ADGRB3: variants seen among roughly 807,000 people sequenced by gnomAD.
ADGRB3 encodes brain-specific angiogenesis inhibitor 3.
ADGRB3 carries 37 observed loss-of-function variants against 193.4 expected under a neutral mutation model. The ratio of observed to expected loss-of-function variants is 0.19; its 90% CI spans 0.15 to 0.25. ADGRB3 has a LOEUF of 0.25. Among genes scored for constraint, ADGRB3 ranks in the 10% least tolerant of loss-of-function variants. ADGRB3 has a pLI of 1.00. For synonymous variants in ADGRB3, 690 were observed against 644.2 expected (o/e 1.07, Z -1.08); for missense variants, 1,637 against 1,852.9 (o/e 0.88, Z 2.14).
Position 69,048,197 on chromosome 6 carries a change from A to C in ADGRB3, c.2120A>C (p.Gln707Pro). 6.2e-7 allele frequency: 1 copy of C among 1,611,924 alleles called. No homozygotes were observed. Among genetic ancestry groups the C allele is most frequent in the Non-Finnish European group, 8.5e-7 (1 of 1,179,322 alleles). The change falls in exon 14 of 32, where the codon CAG becomes CCG. Residue 707 changes from glutamine (Q) to proline (P), a missense_variant. Physicochemically the swap from Gln to Pro is moderately conservative, Grantham distance 76. Around this residue, in one of 7 missense-constraint regions of ADGRB3, gnomAD observed 641 missense variants for 673.9 expected, o/e 0.95. Coordinates refer to ENST00000370598, the MANE Select transcript of ADGRB3 (RefSeq NM_001704.3). ...TCTTTTTTAATAGTGGCTAGTATTC[A>C]GAAGCTTCCTGCAGCCTCTGTTCTA... ...LMTGNVVASI[Q>P]KLPAASVLTD...
intron 17 of ADGRB3, among the ~76,000 whole-genome samples, chr6:69,161,816 C>G (rs1582509357): frequency 6.6e-6 from 1 of 152,094 alleles, no homozygotes; most frequent in African/African-American, 2.4e-5. Flanking sequence ...TGGCTGTTAA[C>G]TGAAGACTTC....
At chr6:69,080,087 A>G (rs2150314056) in intron 17 of ADGRB3, among the ~76,000 whole-genome samples, 1 of 152,088 alleles carries the variant, frequency 6.6e-6, no homozygotes, top group African/African-American at 2.4e-5. Flanking sequence ...ATCCTTATTT[A>G]TTCATAACCA....
intron 13 of ADGRB3, among the ~76,000 whole-genome samples, chr6:69,039,602 T>C (rs1770969552): frequency 6.6e-6 from 1 of 152,132 alleles, no homozygotes; most frequent in South Asian, 2.1e-4. Flanking sequence ...AGAGGCTCTC[T>C]ACAATAAAAA....
At chr6:68,842,081 A>G (rs1477530299) in intron 3 of ADGRB3, among the ~76,000 whole-genome samples, 1 of 152,048 alleles carries the variant, frequency 6.6e-6, no homozygotes, top group Non-Finnish European at 1.5e-5. Context: ...ATTTACCATG[A>G]TGTAATTATC....
chr6:69,036,970 A>T (rs2150296249), intron 13 of ADGRB3, among the ~76,000 whole-genome samples: 1 of 152,334 alleles, frequency 6.6e-6, no homozygotes, highest in Middle Eastern at 3.4e-3. Context: ...CAGGAGTAGA[A>T]TAAAGAAAGC....
At chr6:68,636,287 G>A (rs537585719) in intron 1 of ADGRB3, among the ~76,000 whole-genome samples, 1 of 152,056 alleles carries the variant, frequency 6.6e-6, no homozygotes, top group East Asian at 1.9e-4. Context: ...GAAAATTTTA[G>A]GTTAAAAGGA....
chr6:69,035,694 G>A (rs1234008088), intron 13 of ADGRB3, among the ~76,000 whole-genome samples: 3 of 152,102 alleles, frequency 2.0e-5, no homozygotes, highest in African/African-American at 7.2e-5. Context: ...ATGGAAGCAG[G>A]GAACATAGTG....
At chr6:69,087,696 T>G (rs989092694) in intron 17 of ADGRB3, among the ~76,000 whole-genome samples, 4 of 151,938 alleles carry the variant, frequency 2.6e-5, no homozygotes, top group African/African-American at 4.8e-5. Context: ...AGTTGAAAAG[T>G]CAAAAAAGAA....
intron 3 of ADGRB3, among the ~76,000 whole-genome samples, chr6:68,886,407 C>T (rs182483058): frequency 6.6e-6 from 1 of 152,162 alleles, no homozygotes; most frequent in Admixed American, 6.5e-5. Context: ...CCCATTAATG[C>T]TGTAACTTTT....
rs201641587 is a variant in ADGRB3, at chr6:69,040,382, T to TTTCC, written c.2108-7803_2108-7802insTTCC. On this transcript the variant is annotated intron_variant, in intron 13 of 31. Coordinates refer to ENST00000370598, the MANE Select transcript of ADGRB3 (RefSeq NM_001704.3). Reference sequence around the variant, plus strand: ...CTTTCTTTCTTTCTTTCTTTCCTTCTCTCTCTTTCTTTCCTTCACGCAGGT... The same window carrying TTTCC: ...CTTTCTTTCTTTCTTTCTTTCCTTCTTTCCCTCTCTTTCTTTCCTTCACGCAGGT... Among the ~76,000 whole-genome samples, 10 of 55,878 alleles carry TTTCC rather than the reference T, an allele frequency of 1.8e-4. 1 individual carries two copies. The highest frequency in any genetic ancestry group is 3.3e-4 in the African/African-American group (6 of 17,976). 36.7% of individuals were successfully genotyped at this position (55,878 alleles called of 152,430 possible). A position where few individuals can be genotyped will look rare whatever the true frequency, so the allele number is the denominator to read the frequency against.
intron 3 of ADGRB3, among the ~76,000 whole-genome samples, chr6:68,648,498 A>G (rs1191136000): frequency 2.1e-5 from 3 of 146,178 alleles, no homozygotes; most frequent in Non-Finnish European, 1.5e-5. Context: ...GAGAGCAAAT[A>G]TGGGCATGAG....
At chr6:69,157,332 G>C (rs971696883) in intron 17 of ADGRB3, among the ~76,000 whole-genome samples, 2 of 152,162 alleles carry the variant, frequency 1.3e-5, no homozygotes, top group Non-Finnish European at 2.9e-5. Flanking sequence ...ATAGGTGTTT[G>C]GGGAGCTTCT....
intron 3 of ADGRB3, among the ~76,000 whole-genome samples, chr6:68,824,706 T>A (rs1169130431): frequency 6.7e-6 from 1 of 149,940 alleles, no homozygotes; most frequent in African/African-American, 2.4e-5. Context: ...AATATTTGTA[T>A]CTGTTCTTCT....
At chr6:68,883,336 A>C (rs1029346497) in intron 3 of ADGRB3, among the ~76,000 whole-genome samples, 1 of 152,106 alleles carries the variant, frequency 6.6e-6, no homozygotes, top group Non-Finnish European at 1.5e-5. Context: ...AGCTCTCTGT[A>C]AAATGGGCCA....
At chr6:69,105,709 T>G (rs1242854499) in intron 17 of ADGRB3, among the ~76,000 whole-genome samples, 1 of 152,174 alleles carries the variant, frequency 6.6e-6, no homozygotes, top group Non-Finnish European at 1.5e-5. Context: ...ATCTCTCTTT[T>G]ATGAATGAGG....
chr6:68,649,986 C>T (rs1768311662), intron 3 of ADGRB3, among the ~76,000 whole-genome samples: 1 of 152,182 alleles, frequency 6.6e-6, no homozygotes, highest in Admixed American at 6.6e-5. Context: ...CTTGCTTACT[C>T]AAAGCACTAT....
intron 11 of ADGRB3, among the ~76,000 whole-genome samples, chr6:69,013,566 T>C (rs978508490): frequency 6.6e-6 from 1 of 152,072 alleles, no homozygotes; most frequent in Non-Finnish European, 1.5e-5. Flanking sequence ...AGAGTCAAGA[T>C]TTCAACTGAG....
chr6:69,237,634 A>G (rs116770807), intron 19 of ADGRB3, among the ~76,000 whole-genome samples: 230 of 152,172 alleles, frequency 1.5e-3, no homozygotes, highest in African/African-American at 5.1e-3. Flanking sequence ...AGCCTAGTCA[A>G]TTCTGGATAT....
chr6:69,067,941 A>G (rs984133486), intron 16 of ADGRB3, among the ~76,000 whole-genome samples: 2 of 152,196 alleles, frequency 1.3e-5, no homozygotes, highest in Non-Finnish European at 2.9e-5. Context: ...GGGGTCAGCA[A>G]ACTTTTTTAG....
Sources: gnomAD v4.1 joint callset for allele counts (sites outside exome capture counted in the v4.1 genomes callset) on GRCh38, gnomAD v4.1.1 for gene constraint, gnomAD v4.1.1 regional missense constraint, MANE v1.5 for transcripts, NCBI Gene and HGNC (gene_info 2026-07-23, HGNC 2026-07-21) for gene names.